Variants in DCLK1 observed in about 807,000 individuals in gnomAD.
DCLK1 encodes doublecortin like kinase 1.
Under a neutral mutation model 86.2 loss-of-function variants are expected in DCLK1, and 16 were observed. The observed-to-expected ratio is 0.19, with a 90% confidence interval of 0.13 to 0.28. The LOEUF is 0.28. DCLK1 is among the 10% of genes least tolerant of loss of function. The pLI is 1.00. For missense variants in DCLK1, 590 were observed against 940.2 expected (o/e 0.63, Z 4.87); for synonymous variants, 369 against 370.5 (o/e 1.00, Z 0.05).
chr13:35,826,161 A>G (rs73176188), intron 10 of DCLK1, among the ~76,000 whole-genome samples: 19,207 of 151,758 alleles, frequency 0.13, 1,355 homozygotes, highest in Middle Eastern at 0.18. Flanking sequence ...TCAGTTTAAC[A>G]TTTTTACCTC....
At chr13:36,072,219 A>T (rs1224904118) in intron 3 of DCLK1, among the ~76,000 whole-genome samples, 3 of 152,016 alleles carry the variant, frequency 2.0e-5, no homozygotes, top group Non-Finnish European at 4.4e-5. Flanking sequence ...CATTTTCAGG[A>T]CTCATCTTAT....
At chr13:36,067,775 T>C (rs530683025) in intron 3 of DCLK1, among the ~76,000 whole-genome samples, 56 of 152,194 alleles carry the variant, frequency 3.7e-4, no homozygotes, top group African/African-American at 1.3e-3. Context: ...ATCTGCTTCT[T>C]GGAGGTATTC....
intron 3 of DCLK1, among the ~76,000 whole-genome samples, chr13:35,958,130 T>TACTATAACCATCACCACCATCACC (rs1566620588): frequency 3.8e-4 from 6 of 15,798 alleles, no homozygotes; most frequent in African/African-American, 2.5e-3. Flanking sequence ...CCACTACCAC[T>TACTATAACCATCACCACCATCACC]ACTATAACCA....
chr13:36,114,936 T>G (rs1885729993), intron 2 of DCLK1, among the ~76,000 whole-genome samples: 1 of 152,222 alleles, frequency 6.6e-6, no homozygotes, highest in Non-Finnish European at 1.5e-5. Context: ...GTTATAATCT[T>G]GTTAAAATAA....
chr13:35,884,202 GA>G lies in DCLK1; in HGVS notation c.824-12863del, dbSNP rs1045772413. On this transcript the variant is annotated intron_variant, in intron 4 of 16. Coordinates refer to ENST00000360631, the MANE Select transcript of DCLK1 (RefSeq NM_001330071.2). ...AAGTAATTGTGCAATGTGCCACTTGGAAAAAAAAAAGACTAAACTAAAAGCA... is the reference window on the plus strand; with the variant it reads ...AAGTAATTGTGCAATGTGCCACTTGGAAAAAAAAAGACTAAACTAAAAGCA... Among the ~76,000 whole-genome samples, 205 of 147,332 alleles carry G rather than the reference GA, an allele frequency of 1.4e-3. 1 individual carries two copies. Among genetic ancestry groups the G allele is most frequent in the African/African-American group, 4.9e-3 (196 of 40,314 alleles).
intron 4 of DCLK1, among the ~76,000 whole-genome samples, chr13:35,923,276 G>C (rs992331469): frequency 1.4e-4 from 22 of 152,084 alleles, no homozygotes; most frequent in African/African-American, 5.1e-4. Flanking sequence ...GATGCTAAGG[G>C]ACCTGCTTGA....
chr13:35,826,540 A>AGGAAGGGAGGAAGGAAGGAAGG (rs1382422000), intron 10 of DCLK1, among the ~76,000 whole-genome samples: 5 of 92,796 alleles, frequency 5.4e-5, no homozygotes, highest in African/African-American at 1.6e-4. Context: ...AAAAAAAAAA[A>AGGAAGGGAGGAAGGAAGGAAGG]AAGAAAGAAA....
rs2086674592 is a variant in DCLK1, at chr13:35,789,410, T to C, written c.2058+3956A>G. On this transcript the variant is annotated intron_variant, in intron 16 of 16. Coordinates refer to ENST00000360631, the MANE Select transcript of DCLK1 (RefSeq NM_001330071.2). ...TTTTAATCTTTTTAAAAATGTGTGT[T>C]TCATTTTATTGAGAAAAAAATCAAA... 2.0e-5 allele frequency among the ~76,000 whole-genome samples: 3 copies of C among 152,218 alleles called. No individual in the cohort carries two copies. In the South Asian group the frequency reaches 6.2e-4, roughly 32 times the overall value.
chr13:36,107,316 A>G (rs953507160), intron 3 of DCLK1, among the ~76,000 whole-genome samples: 1 of 146,926 alleles, frequency 6.8e-6, no homozygotes, highest in Non-Finnish European at 1.5e-5. Flanking sequence ...TGCTCACTCT[A>G]GCATGCTAGC....
intron 3 of DCLK1, among the ~76,000 whole-genome samples, chr13:36,085,684 A>G (rs1051452672): frequency 6.6e-6 from 1 of 152,210 alleles, no homozygotes; most frequent in African/African-American, 2.4e-5. Flanking sequence ...GAATGTTATC[A>G]AGCAAAATTA....
intron 3 of DCLK1, among the ~76,000 whole-genome samples, chr13:36,075,967 G>A (rs1884194943): frequency 6.6e-6 from 1 of 152,230 alleles, no homozygotes; most frequent in African/African-American, 2.4e-5. Context: ...CGAGGATGCA[G>A]TGAGCTGAGA....
chr13:35,990,490 C>T (rs1189181768), intron 3 of DCLK1, among the ~76,000 whole-genome samples: 1 of 151,962 alleles, frequency 6.6e-6, no homozygotes. Context: ...ACAAGGCTCC[C>T]AGGATACCTC....
intron 4 of DCLK1, among the ~76,000 whole-genome samples, chr13:35,914,377 A>ATACG (rs1875277810): frequency 8.1e-5 from 9 of 111,632 alleles, no homozygotes; most frequent in African/African-American, 3.3e-4. Context: ...ATGTATATAT[A>ATACG]TATATATATA....
intron 3 of DCLK1, among the ~76,000 whole-genome samples, chr13:35,999,258 C>CA (rs34914381): frequency 2.4e-4 from 28 of 115,298 alleles, no homozygotes; most frequent in African/African-American, 5.6e-4. Flanking sequence ...CTGTCTCAAA[C>CA]AAAAAAAAAA....
intron 15 of DCLK1, among the ~76,000 whole-genome samples, chr13:35,795,644 A>G (rs919862353): frequency 6.6e-6 from 1 of 152,160 alleles, no homozygotes; most frequent in Admixed American, 6.5e-5. Context: ...AATGAGGCCA[A>G]ATGCGGTGGC....
intron 4 of DCLK1, among the ~76,000 whole-genome samples, chr13:35,904,640 C>T (rs1593718521): frequency 6.6e-6 from 1 of 152,164 alleles, no homozygotes; most frequent in East Asian, 1.9e-4. Flanking sequence ...TTCCCTTTTG[C>T]CTTTAGGAAA....
intron 3 of DCLK1, among the ~76,000 whole-genome samples, chr13:35,997,271 T>G (rs1038077268): frequency 6.6e-6 from 1 of 152,168 alleles, no homozygotes; most frequent in East Asian, 1.9e-4. Context: ...TGAGGAAATA[T>G]GAGATTTATT....
chr13:35,891,469 A>G (rs1311645447), intron 4 of DCLK1, among the ~76,000 whole-genome samples: 1 of 152,194 alleles, frequency 6.6e-6, no homozygotes, highest in African/African-American at 2.4e-5. Context: ...CTCTTTGGAT[A>G]AAAATGAATT....
rs551895097 is a variant in DCLK1, at chr13:35,840,573, TAC to T, written c.1036-1399_1036-1398del. ...ATGACCCTTGTATACCCCTGAATAC[TAC>T]ACAGTTTGTGTAATGTGCCCATTAT... On this transcript the variant is annotated intron_variant, in intron 6 of 16. Coordinates refer to ENST00000360631, the MANE Select transcript of DCLK1 (RefSeq NM_001330071.2). Among the ~76,000 whole-genome samples, 9 of 152,352 alleles carry T rather than the reference TAC, an allele frequency of 5.9e-5. No homozygotes were observed. The South Asian group carries it at 1.9e-3, about 32-fold the overall frequency.
Sources: allele counts gnomAD v4.1 joint callset (sites outside exome capture counted in the v4.1 genomes callset), GRCh38; gene constraint gnomAD v4.1.1; transcripts MANE v1.5; gene names NCBI Gene and HGNC (gene_info 2026-07-23, HGNC 2026-07-21).